LRRC7: variants seen among roughly 807,000 people sequenced by gnomAD.
The protein encoded by LRRC7 is leucine rich repeat containing 7.
In LRRC7, 23 loss-of-function variants were observed where a neutral mutation model predicts 175.7. The observed-to-expected ratio is 0.13, with a 90% confidence interval of 0.09 to 0.19. The LOEUF is 0.19. Ranked by LOEUF, LRRC7 falls within the 10% of genes least tolerant of loss-of-function variation. LRRC7 has a pLI of 1.00. For missense variants in LRRC7, 1,354 were observed against 1,904.7 expected (o/e 0.71, Z 5.38); for synonymous variants, 685 against 680.9 (o/e 1.01, Z -0.09).
chr1:69,574,556 G>C (rs1228872015), intron 1 of LRRC7, among the ~76,000 whole-genome samples: 2 of 152,064 alleles, frequency 1.3e-5, no homozygotes, highest in African/African-American at 2.4e-5. Context: ...GCACTAAAAA[G>C]GTAGGTAATG....
rs1666682411 is a variant in LRRC7, at chr1:70,131,995, G to A, written c.*10108G>A. ...AGGAACAAGAACAGACTAGGGCTGGGAAAGAGGGGAATTAATAAGTTATTA... is the reference window on the plus strand; with the variant it reads ...AGGAACAAGAACAGACTAGGGCTGGAAAAGAGGGGAATTAATAAGTTATTA... On this transcript the variant is annotated 3_prime_UTR_variant, in exon 27 of 27. Transcript: ENST00000651989. 6.6e-6 allele frequency among the ~76,000 whole-genome samples: 1 copy of A among 152,184 alleles called. No individual in the cohort carries two copies. The highest frequency in any genetic ancestry group is 2.4e-5 in the African/African-American group (1 of 41,448).
intron 7 of LRRC7, among the ~76,000 whole-genome samples, chr1:69,838,658 A>G (rs1414180398): frequency 6.6e-6 from 1 of 151,924 alleles, no homozygotes; most frequent in Non-Finnish European, 1.5e-5. Context: ...ATTGTAGTGT[A>G]TCTTTCAGTT....
chr1:69,820,710 C>G (rs1424375510), intron 4 of LRRC7, among the ~76,000 whole-genome samples: 1 of 151,494 alleles, frequency 6.6e-6, no homozygotes, highest in African/African-American at 2.4e-5. Flanking sequence ...TTTATAGATG[C>G]ATAGTATTCC....
At chr1:69,955,054 AATG>A (rs1228948861) in intron 8 of LRRC7, among the ~76,000 whole-genome samples, 1 of 152,112 alleles carries the variant, frequency 6.6e-6, no homozygotes, top group Non-Finnish European at 1.5e-5. Flanking sequence ...CTCTTAGATG[AATG>A]AATACAGCCC....
intron 7 of LRRC7, among the ~76,000 whole-genome samples, chr1:69,859,040 T>C (rs1207288967): frequency 2.0e-5 from 3 of 152,120 alleles, no homozygotes; most frequent in Non-Finnish European, 4.4e-5. Flanking sequence ...ACAATAAATT[T>C]CACTCTTAAC....
Position 70,126,038 on chromosome 1 carries a change from G to A in LRRC7, c.*4151G>A, listed in dbSNP as rs776836978. The stretch of plus-strand genomic sequence containing the variant: ...AGTGTGCTTGCCACCTTGTCTTTCC[G>A]TTTAGTATGTTTACTAACTGTTAAG... On this transcript the variant is annotated 3_prime_UTR_variant, in exon 27 of 27. Coordinates refer to ENST00000651989, the MANE Select transcript of LRRC7 (RefSeq NM_001370785.2). Among the ~76,000 whole-genome samples, 54 of 151,850 alleles carry A rather than the reference G, an allele frequency of 3.6e-4. No homozygotes were observed. The highest frequency in any genetic ancestry group is 5.3e-4 in the African/African-American group (22 of 41,318).
intron 10 of LRRC7, among the ~76,000 whole-genome samples, chr1:69,993,942 G>A (rs1235815426): frequency 6.6e-6 from 1 of 152,076 alleles, no homozygotes; most frequent in Non-Finnish European, 1.5e-5. Context: ...AGGGTATGGA[G>A]GCCATAAATC....
At chr1:69,778,975 T>TATAC (rs1553154525) in intron 3 of LRRC7, among the ~76,000 whole-genome samples, 2 of 116,410 alleles carry the variant, frequency 1.7e-5, no homozygotes, top group South Asian at 4.9e-4. Flanking sequence ...TATATATATA[T>TATAC]ACACACACAC....
intron 4 of LRRC7, among the ~76,000 whole-genome samples, chr1:69,811,991 A>G (rs577508898): frequency 1.8e-4 from 27 of 152,300 alleles, no homozygotes; most frequent in African/African-American, 5.5e-4. Context: ...TAAATGATTC[A>G]GAAATAAAGG....
chr1:69,835,394 A>T (rs1175013612), intron 6 of LRRC7, among the ~76,000 whole-genome samples: 1 of 151,900 alleles, frequency 6.6e-6, no homozygotes, highest in East Asian at 1.9e-4. Flanking sequence ...TTAGAGAAAA[A>T]TGGTCAAATT....
At chr1:69,748,777 C>A (rs1669520438) in intron 2 of LRRC7, among the ~76,000 whole-genome samples, 1 of 152,108 alleles carries the variant, frequency 6.6e-6, no homozygotes, top group South Asian at 2.1e-4. Flanking sequence ...TCCTTCCAAA[C>A]TTGAGAGTCT....
chr1:69,997,275 G>T (rs1330900500), intron 11 of LRRC7, among the ~76,000 whole-genome samples: 1 of 152,158 alleles, frequency 6.6e-6, no homozygotes, highest in Non-Finnish European at 1.5e-5. Flanking sequence ...GCTGAAAGTT[G>T]CTTATCAGCT....
intron 26 of LRRC7, among the ~76,000 whole-genome samples, chr1:70,109,904 C>G (rs1334298755): frequency 6.6e-6 from 1 of 152,174 alleles, no homozygotes; most frequent in Non-Finnish European, 1.5e-5. Context: ...AATCTCAGAT[C>G]TCTTACCTAC....
chr1:69,674,645 T>A (rs1327585223), intron 1 of LRRC7, among the ~76,000 whole-genome samples: 1 of 152,134 alleles, frequency 6.6e-6, no homozygotes, highest in Non-Finnish European at 1.5e-5. Flanking sequence ...GTTAGTGTCC[T>A]CGGAAAATTG....
chr1:69,897,110 A>T (rs1447526177), intron 7 of LRRC7, among the ~76,000 whole-genome samples: 1 of 152,272 alleles, frequency 6.6e-6, no homozygotes, highest in East Asian at 1.9e-4. Context: ...CTCTTTGAAG[A>T]TGTACAACCC....
At chr1:70,107,997 C>A (rs1423063701) in intron 26 of LRRC7, among the ~76,000 whole-genome samples, 171 bp downstream of exon 26, 1 of 152,008 alleles carries the variant, frequency 6.6e-6, no homozygotes, top group African/African-American at 2.4e-5. Flanking sequence ...TTCAGTCTGA[C>A]AAATCTTATA....
chr1:70,003,271 C>T (rs1168433234), intron 11 of LRRC7, among the ~76,000 whole-genome samples: 1 of 152,154 alleles, frequency 6.6e-6, no homozygotes, highest in Admixed American at 6.6e-5. Context: ...CTCCCTAAGG[C>T]CCCATCTCCA....
intron 4 of LRRC7, among the ~76,000 whole-genome samples, chr1:69,824,948 T>C (rs1218302811): frequency 2.0e-5 from 3 of 152,214 alleles, no homozygotes; most frequent in Non-Finnish European, 2.9e-5. Flanking sequence ...TCCATTTCTG[T>C]CAATTGATTG....
At chr1:69,987,961 C>T (rs1330846999) in intron 10 of LRRC7, among the ~76,000 whole-genome samples, 1 of 152,040 alleles carries the variant, frequency 6.6e-6, no homozygotes, top group Non-Finnish European at 1.5e-5. Context: ...GTGACAAGCC[C>T]CTTGATCTGT....
Sources: gnomAD v4.1 joint callset for allele counts (sites outside exome capture counted in the v4.1 genomes callset) on GRCh38, gnomAD v4.1.1 for gene constraint, MANE v1.5 for transcripts, NCBI Gene and HGNC (gene_info 2026-07-23, HGNC 2026-07-21) for gene names.